The following PKD1 variants were observed in gnomAD, a reference collection of about 807,000 sequenced individuals.
The protein encoded by PKD1 is polycystin 1, transient receptor potential channel interacting.
PKD1 carries 81 observed loss-of-function variants against 361.7 expected under a neutral mutation model. The ratio of observed to expected loss-of-function variants is 0.22; its 90% CI spans 0.19 to 0.27. PKD1 has a LOEUF of 0.27. Ranked by LOEUF, PKD1 falls within the 10% of genes least tolerant of loss-of-function variation. The probability of loss-of-function intolerance (pLI) is 1.00; values close to 1 mark genes in which losing one functional copy is unlikely to be tolerated. For missense variants in PKD1, 6,399 were observed against 6,118.3 expected (o/e 1.05, Z -1.53); for synonymous variants, 3,615 against 2,818.3 (o/e 1.28, Z -8.95).
intron 45 of PKD1, 24 bp downstream of exon 45, chr16:2,090,261 T>A: frequency 1.9e-6 from 3 of 1,607,056 alleles, no homozygotes; most frequent in Non-Finnish European, 2.5e-6. Context: ...CGTGTCCCTC[T>A]CCCCCCCACT....
Position 2,106,307 on chromosome 16 carries a change from G to A in PKD1, c.7490-3C>T. On this transcript the variant is annotated splice_region_variant and splice_polypyrimidine_tract_variant and intron_variant, in intron 18 of 45. Transcript: ENST00000262304. The surrounding 1 kb of genome is among the most constrained non-coding windows in gnomAD (Gnocchi z 6.5). ...AGCATCCTCCGCGTCATGCCAGCCT[G>A]AGGGACGGTCCCCACGGCATCACGG... 1 of 1,609,064 alleles carries A rather than the reference G, an allele frequency of 6.2e-7. No individual in the cohort carries two copies. The highest frequency in any genetic ancestry group is 8.5e-7 in the Non-Finnish European group (1 of 1,178,648).
Position 2,103,306 on chromosome 16 carries a change from C to G in PKD1, c.8751G>C (p.Ala2917=). The stretch of plus-strand genomic sequence containing the variant: ...AGTTGAGCTGCAGATGCAGCCCGGC[C>G]GCAGGGTTGCTGCTGTCCAGGGTGA... ...AVVTLDSSNP[A]AGLHLQLNYT... is the part of the protein sequence containing the mutation. The change falls in exon 23 of 46, where the codon GCG becomes GCC. Residue 2917 remains alanine (A), a synonymous_variant. Transcript: ENST00000262304. 6.2e-7 allele frequency: 1 copy of G among 1,608,870 alleles called. No individual in the cohort carries two copies. Among genetic ancestry groups the G allele is most frequent in the Non-Finnish European group, 8.5e-7 (1 of 1,179,674 alleles).
chr16:2,129,685 G>A (rs1483711137), intron 1 of PKD1, among the ~76,000 whole-genome samples: 1 of 151,418 alleles, frequency 6.6e-6, no homozygotes, highest in East Asian at 1.9e-4. Flanking sequence ...GAATAGCTGG[G>A]ACCACAGATG....
At position 2,090,133 on chromosome 16, in the gene PKD1, G is replaced by A; in HGVS notation, c.12506C>T (p.Ser4169Phe). The change falls in exon 46 of 46, where the codon TCC becomes TTC. Residue 4169 changes from serine (S) to phenylalanine (F), a missense_variant. Ser to Phe is a radical substitution (Grantham distance 155). Transcript: ENST00000262304. ...TGGGGGCACATCCGGGGATACCTTG[G>A]AGCCCCTGGAGGAGCGAGAGGGCAG... ...EPLPSRSSRGSKVSPDVPPPS... is the reference protein window; with the variant it reads ...EPLPSRSSRGFKVSPDVPPPS... The A allele has an allele frequency of 6.3e-7, 1 of 1,597,056 alleles. No homozygotes were observed. Among genetic ancestry groups the A allele is most frequent in the Non-Finnish European group, 8.5e-7 (1 of 1,170,452 alleles).
In PKD1 at chr16:2,091,041, G is replaced by A; in HGVS notation, c.11846C>T (p.Ala3949Val). 6.6e-7 allele frequency: 1 copy of A among 1,526,592 alleles called. No individual in the cohort carries two copies. 94.6% of individuals were successfully genotyped at this position (1,526,592 alleles called of 1,614,324 possible). The change falls in exon 43 of 46, where the codon GCA (alanine) becomes GTA (valine). Residue 3949 changes from alanine to valine, a missense_variant. Ala to Val is a moderately conservative substitution (Grantham distance 64). Transcript: ENST00000262304. Reference sequence around the variant, plus strand: ...ACCCAGCTGGGCGAGGCGTACCAGTGCCGTGGCCGCCGTCAGCGCCACCAG... The same window carrying A: ...ACCCAGCTGGGCGAGGCGTACCAGTACCGTGGCCGCCGTCAGCGCCACCAG... ...WLLVALTAAT[A>V]LVRLAQLGAA...
rs535303719 is a variant in PKD1 at position 2,114,374 on chromosome 16, G to A, written c.2649C>T (p.Pro883=). Residue 883 remains proline (P), a synonymous_variant, in exon 11 of 46, where the codon CCC becomes CCT. Coordinates refer to ENST00000262304, the MANE Select transcript of PKD1 (RefSeq NM_001009944.3). The part of the protein sequence containing the change: ...VCPALVATFV[P]GCPWETNDTL... ...TATCGTTGGTCTCCCAGGGGCAGCC[G>A]GGCACGAAGGTGGCCACCAGGGCAG... 1.5e-5 allele frequency: 24 copies of A among 1,609,294 alleles called. No homozygotes were observed. The highest frequency in any genetic ancestry group is 2.3e-4 in the Middle Eastern group (1 of 4,430).
intron 2 of PKD1, 29 bp downstream of exon 2, chr16:2,119,278 G>A (rs1309533080): frequency 1.6e-5 from 17 of 1,083,656 alleles, no homozygotes; most frequent in African/African-American, 6.2e-5. Context: ...AGTGAGCCCC[G>A]CATGCTGGCA....
rs1444504386 is a variant in PKD1, at chr16:2,090,979, G to A, written c.11908C>T (p.Arg3970Cys). The A allele has an allele frequency of 2.0e-6, 3 of 1,537,826 alleles. No homozygotes were observed. The highest frequency in any genetic ancestry group is 2.0e-5 in the Admixed American group (1 of 51,172). ...TCGAAGCTAGTGAAGCGGCGCGGGC[G>A]GCCGCGCACGAAACGGGTCCACTGG... ...DRQWTRFVRG[R>C]PRRFTSFDQV... The change falls in exon 43 of 46, where the codon CGC becomes TGC. Residue 3970 changes from arginine to cysteine, a missense_variant. Transcript: ENST00000262304.
rs2092140239 is a variant in PKD1 at position 2,102,581 on chromosome 16, A to G, written c.9001T>C (p.Trp3001Arg). The part of the protein sequence containing the change: ...YHLNLSSHFR[W>R]SALQVSVGLY... ...CCCACGGACACCTGCAGCGCCGACC[A>G]GCGGAAGTGGCTGGAGAGGTTCAGA... Residue 3001 changes from tryptophan to arginine, a missense_variant, in exon 25 of 46, where the codon TGG (tryptophan) becomes CGG (arginine). By Grantham distance (101) the Trp-to-Arg change is moderately radical. Transcript: ENST00000262304. The G allele has an allele frequency of 1.2e-6, 2 of 1,611,102 alleles. No individual in the cohort carries two copies. Among genetic ancestry groups the G allele is most frequent in the Admixed American group, 3.3e-5 (2 of 59,998 alleles).
At chr16:2,107,360 C>T in intron 16 of PKD1, 4 of 370,798 alleles carry the variant, frequency 1.1e-5, no homozygotes, top group Non-Finnish European at 2.1e-5. Context: ...GGAACCTGCT[C>T]CCACACCCTC....
rs151304529 is a variant in PKD1 at position 2,130,322 on chromosome 16, T to C, written c.215+5153A>G. ...TCCTAGGCTCTCCTGACAGAGGCCC[T>C]ACCCCTGCCCCCGAGTCACCTTGCC... On this transcript the variant is annotated intron_variant, in intron 1 of 45. Transcript: ENST00000262304. Among the ~76,000 whole-genome samples the C allele has an allele frequency of 3.9e-3, 597 of 152,260 alleles. 4 individuals are homozygous for C. The highest frequency in any genetic ancestry group is 0.013 in the African/African-American group (530 of 41,558).
In PKD1 at chr16:2,109,521, C is replaced by A; in HGVS notation, c.5646G>T (p.Thr1882=). The A allele has an allele frequency of 6.2e-7, 1 of 1,610,666 alleles. No homozygotes were observed. Among genetic ancestry groups the A allele is most frequent in the East Asian group, 2.2e-5 (1 of 44,826 alleles). ...VSWVSATYNL[T]AEEPIVGLVL... The stretch of plus-strand genomic sequence containing the variant: ...CCAGGCCCACGATGGGCTCCTCCGC[C>A]GTGAGGTTGTACGTGGCTGAGACCC... The change falls in exon 15 of 46, where the codon ACG becomes ACT. Residue 1882 remains threonine, a synonymous_variant. Transcript: ENST00000262304.
chr16:2,108,327 C>G lies in PKD1; in HGVS notation c.6840G>C (p.Glu2280Asp). ...CGTCCTCCAGGTTGGGGTCGTAGGA[C>G]TCGCTCCCATCCAGCACCAGGTCCC... The part of the protein sequence containing the change: ...DTRDLVLDGS[E>D]SYDPNLEDGD... The change falls in exon 15 of 46, where the codon GAG (glutamate) becomes GAC (aspartate). Residue 2280 changes from glutamate (E) to aspartate (D), a missense_variant. Glu to Asp is a conservative substitution (Grantham distance 45, BLOSUM62 2). Transcript: ENST00000262304. 1 of 1,606,270 alleles carries G rather than the reference C, an allele frequency of 6.2e-7. No homozygotes were observed. Among genetic ancestry groups the G allele is most frequent in the Non-Finnish European group, 8.5e-7 (1 of 1,176,260 alleles).
Position 2,090,974 on chromosome 16 carries a change from C to T in PKD1, c.11913G>A (p.Pro3971=). The T allele has an allele frequency of 6.5e-7, 1 of 1,538,440 alleles. No individual in the cohort carries two copies. Among genetic ancestry groups the T allele is most frequent in the Non-Finnish European group, 8.7e-7 (1 of 1,148,054 alleles). Residue 3971 remains proline (P), a synonymous_variant, in exon 43 of 46, where the codon CCG becomes CCA. Coordinates refer to ENST00000262304, the MANE Select transcript of PKD1 (RefSeq NM_001009944.3). ...RQWTRFVRGR[P]RRFTSFDQVA... is the part of the protein sequence containing the mutation. The stretch of plus-strand genomic sequence containing the variant: ...CCTGGTCGAAGCTAGTGAAGCGGCG[C>T]GGGCGGCCGCGCACGAAACGGGTCC...
At position 2,093,554 on chromosome 16, in the gene PKD1, C is replaced by A; in HGVS notation, c.11006G>T (p.Gly3669Val). Reference sequence around the variant, plus strand: ...CGCACCCAGGCTCACCCGCAGCATGCCATGTAGCCTCTTGACCTTGCGGGC... The same window carrying A: ...CGCACCCAGGCTCACCCGCAGCATGACATGTAGCCTCTTGACCTTGCGGGC... The part of the protein sequence containing the change: ...EEARKVKRLH[G>V]MLRSLLVYML... Residue 3669 changes from glycine to valine, a missense_variant, in exon 37 of 46, where the codon GGC becomes GTC. Gly to Val is a moderately radical substitution (Grantham distance 109, BLOSUM62 -3). Transcript: ENST00000262304. The A allele has an allele frequency of 6.2e-7, 1 of 1,602,276 alleles. No homozygotes were observed. The highest frequency in any genetic ancestry group is 1.1e-5 in the South Asian group (1 of 89,096).
intron 10 of PKD1, 198 bp downstream of exon 10, chr16:2,115,180 G>C (rs912513200): frequency 5.9e-6 from 4 of 672,322 alleles, no homozygotes; most frequent in East Asian, 2.7e-4. Context: ...GGCACAGCTC[G>C]TGCCAAGGGC....
intron 11 of PKD1, chr16:2,113,751 T>C (rs2092578787): frequency 2.8e-6 from 1 of 360,994 alleles, no homozygotes; most frequent in Non-Finnish European, 5.2e-6. Flanking sequence ...ACCCGCAAGA[T>C]GGAGACAGCC....
Position 2,089,738 on chromosome 16 carries a change from TGG to T in PKD1, c.12899_12900del (p.Pro4300GlnfsTer85). On this transcript the variant is annotated frameshift_variant, in exon 46 of 46. Coordinates refer to ENST00000262304, the MANE Select transcript of PKD1 (RefSeq NM_001009944.3). LOFTEE classifies it high-confidence loss of function. Reference sequence around the variant, plus strand: ...GCCAGGAAGGAGGACTAAGTGCTGCTGGGGTGGACCTTGTTCTTGGCCCGAAG... The same window carrying T: ...GCCAGGAAGGAGGACTAAGTGCTGCTGGTGGACCTTGTTCTTGGCCCGAAG... ...TPLRAKNKVH[P>X]SST The T allele has an allele frequency of 6.3e-7, 1 of 1,585,422 alleles. No individual in the cohort carries two copies. The highest frequency in any genetic ancestry group is 1.1e-5 in the South Asian group (1 of 87,268).
chr16:2,106,568 TC>T lies in PKD1; in HGVS notation c.7318del (p.Asp2440ThrfsTer180). On this transcript the variant is annotated frameshift_variant, in exon 18 of 46. Transcript: ENST00000262304. LOFTEE classifies it high-confidence loss of function. This position sits in a 1 kb window ranked among gnomAD's most constrained non-coding sequence, Gnocchi z 6.5. ...GAGCGTGAAGGTGTATCCCTCGCCG[TC>T]CCGCAGCACGCCCCGCCGCAGCACC... The part of the protein sequence containing the change: ...RLVLRRGVLR[D>X]GEGYTFTLTV... The T allele has an allele frequency of 6.3e-7, 1 of 1,596,082 alleles. No individual in the cohort carries two copies.
Sources: allele counts gnomAD v4.1 joint callset (sites outside exome capture counted in the v4.1 genomes callset), GRCh38; gene constraint gnomAD v4.1.1; non-coding constraint Gnocchi (gnomAD v3.1); transcripts MANE v1.5; gene names NCBI Gene and HGNC (gene_info 2026-07-23, HGNC 2026-07-21).